The following CCDC192 variants were observed in gnomAD, a reference collection of about 807,000 sequenced individuals.
The protein encoded by CCDC192 is coiled-coil domain containing 192, also known as coiled-coil domain-containing protein 192.
chr5:127,780,664 G>C (rs746705052), intron 3 of CCDC192, among the ~76,000 whole-genome samples: 1 of 151,970 alleles, frequency 6.6e-6, no homozygotes, highest in African/African-American at 2.4e-5. Flanking sequence ...ACTTTTTGAT[G>C]GGACTGCTTG....
intron 3 of CCDC192, among the ~76,000 whole-genome samples, chr5:127,761,672 T>C (rs764177937): frequency 6.6e-6 from 1 of 152,170 alleles, no homozygotes; most frequent in Non-Finnish European, 1.5e-5. Flanking sequence ...CTCTTCAAGA[T>C]GGCATTTTCA....
At chr5:127,814,998 C>T (rs192586261) in intron 5 of CCDC192, among the ~76,000 whole-genome samples, 17 of 152,030 alleles carry the variant, frequency 1.1e-4, no homozygotes, top group African/African-American at 3.9e-4. Flanking sequence ...AAATTTCTGG[C>T]CTCAAAATAT....
chr5:127,891,810 G>T (rs532753745), intron 6 of CCDC192, among the ~76,000 whole-genome samples: 7 of 152,074 alleles, frequency 4.6e-5, no homozygotes, highest in Non-Finnish European at 1.0e-4. Context: ...ACCACATTCT[G>T]GTTCTTTCTA....
intron 3 of CCDC192, among the ~76,000 whole-genome samples, chr5:127,764,340 C>T (rs1265031955): frequency 6.6e-6 from 1 of 152,070 alleles, no homozygotes; most frequent in East Asian, 1.9e-4. Flanking sequence ...AAGACAGAGA[C>T]AAGATATATT....
intron 6 of CCDC192, among the ~76,000 whole-genome samples, chr5:127,882,335 T>A (rs958878857): frequency 3.3e-5 from 5 of 152,192 alleles, no homozygotes; most frequent in South Asian, 4.1e-4. Context: ...CCAGAGCCAA[T>A]TCTCATTAAT....
At chr5:127,715,310 G>C (rs762138721) in intron 2 of CCDC192, among the ~76,000 whole-genome samples, 4 of 152,184 alleles carry the variant, frequency 2.6e-5, no homozygotes, top group Admixed American at 6.6e-5. Context: ...AGTTGGAAGA[G>C]ATAGGAGACT....
At chr5:127,785,356 C>A in intron 3 of CCDC192, 1 of 431,074 alleles carries the variant, frequency 2.3e-6, no homozygotes. Context: ...TCTAGGGGTT[C>A]TGAATTTGTC....
At chr5:127,734,375 C>T (rs918820731) in intron 2 of CCDC192, among the ~76,000 whole-genome samples, 7 of 151,850 alleles carry the variant, frequency 4.6e-5, no homozygotes, top group East Asian at 1.9e-4. Flanking sequence ...GGAATAATGC[C>T]GCAATAAACA....
chr5:127,833,422 C>T (rs992751760), intron 5 of CCDC192, among the ~76,000 whole-genome samples: 2 of 152,128 alleles, frequency 1.3e-5, no homozygotes, highest in Non-Finnish European at 2.9e-5. Flanking sequence ...ATGATCTCTT[C>T]TGGTCTCTGT....
At chr5:127,855,453 G>C (rs564207657) in intron 5 of CCDC192, among the ~76,000 whole-genome samples, 1 of 152,228 alleles carries the variant, frequency 6.6e-6, no homozygotes, top group South Asian at 2.1e-4. Flanking sequence ...CTCTGTTGGA[G>C]TCTTGAACCC....
intron 2 of CCDC192, among the ~76,000 whole-genome samples, chr5:127,747,882 T>G (rs1335206419): frequency 2.4e-4 from 36 of 149,624 alleles, no homozygotes; most frequent in African/African-American, 7.8e-4. Context: ...TTTTCATGTG[T>G]TTTTTGGCTG....
At chr5:127,900,148 G>C (rs994759187) in intron 6 of CCDC192, among the ~76,000 whole-genome samples, 1 of 152,162 alleles carries the variant, frequency 6.6e-6, no homozygotes, top group Non-Finnish European at 1.5e-5. Flanking sequence ...TAGTATTTGG[G>C]CTATGCCTCA....
intron 2 of CCDC192, among the ~76,000 whole-genome samples, chr5:127,719,534 C>CATATATATATATATAT (rs1158638020): frequency 4.7e-5 from 2 of 42,262 alleles, no homozygotes; most frequent in African/African-American, 1.7e-4. Context: ...TACACACATA[C>CATATATATATATATAT]ATATATATAT....
chr5:127,728,629 C>G (rs914534558), intron 2 of CCDC192, among the ~76,000 whole-genome samples: 2 of 152,182 alleles, frequency 1.3e-5, no homozygotes, highest in African/African-American at 4.8e-5. Context: ...TATGAAGCAA[C>G]TACATTAACA....
chr5:127,910,961 AAC>A (rs1210178319), intron 6 of CCDC192, among the ~76,000 whole-genome samples: 1 of 152,230 alleles, frequency 6.6e-6, no homozygotes, highest in African/African-American at 2.4e-5. Context: ...ATAAAAAAAA[AAC>A]TTCCTCTGAA....
At chr5:127,849,733 C>T (rs1750716787) in intron 5 of CCDC192, among the ~76,000 whole-genome samples, 1 of 152,194 alleles carries the variant, frequency 6.6e-6, no homozygotes. Flanking sequence ...AGAAACAAAT[C>T]TTCAACTTCT....
intron 6 of CCDC192, among the ~76,000 whole-genome samples, chr5:127,905,930 T>C (rs974113271): frequency 6.6e-5 from 10 of 152,304 alleles, no homozygotes; most frequent in South Asian, 2.1e-4. Context: ...GAAATCTAAG[T>C]GCAGGTAGAA....
At chr5:127,731,341 AACT>A (rs1307580813) in intron 2 of CCDC192, among the ~76,000 whole-genome samples, 3 of 152,206 alleles carry the variant, frequency 2.0e-5, no homozygotes, top group Non-Finnish European at 2.9e-5. Flanking sequence ...AAGAACTACA[AACT>A]ACTGCTTGAG....
At chr5:127,786,435 C>T (rs546749233) in intron 3 of CCDC192, 1 of 625,678 alleles carries the variant, frequency 1.6e-6, no homozygotes, top group South Asian at 1.8e-5. Context: ...TTCCATGTAA[C>T]ACTGTACAAC....
Sources: allele counts gnomAD v4.1 joint callset (sites outside exome capture counted in the v4.1 genomes callset), GRCh38; gene constraint gnomAD v4.1.1; transcripts MANE v1.5; gene names NCBI Gene and HGNC (gene_info 2026-07-23, HGNC 2026-07-21).